Variants in PCGF6 observed in about 807,000 individuals in gnomAD.
PCGF6 encodes the protein polycomb group ring finger 6.
PCGF6 carries 24 observed loss-of-function variants against 45.5 expected under a neutral mutation model. That is an observed-to-expected ratio of 0.53 (90% CI 0.38 to 0.74). The LOEUF (loss-of-function observed/expected upper bound fraction) is 0.74, where lower values mean the gene tolerates loss of function less well. Ranked by LOEUF, PCGF6 falls within the 30% of genes least tolerant of loss-of-function variation. The probability of loss-of-function intolerance (pLI) is 0.00; values close to 1 mark genes in which losing one functional copy is unlikely to be tolerated. For synonymous variants in PCGF6, 152 were observed against 162.1 expected (o/e 0.94, Z 0.47); for missense variants, 356 against 443.2 (o/e 0.80, Z 1.77).
At chr10:103,308,858 G>C (rs1435455518) in intron 9 of PCGF6, among the ~76,000 whole-genome samples, 3 of 151,930 alleles carry the variant, frequency 2.0e-5, no homozygotes, top group Admixed American at 1.3e-4. Context: ...GTGACAGAGA[G>C]AGAGAGACTC....
rs974653399 is a variant in PCGF6 at position 103,335,084 on chromosome 10, G to T, written c.783-1132C>A. 3.3e-5 allele frequency among the ~76,000 whole-genome samples: 5 copies of T among 151,924 alleles called. No homozygotes were observed. In the Admixed American group the frequency reaches 3.3e-4, roughly 10 times the overall value. On this transcript the variant is annotated intron_variant, in intron 6 of 9. Transcript: ENST00000369847. The stretch of plus-strand genomic sequence containing the variant: ...TTCATTTTTTTCTTTAAGAGATAGG[G>T]TCTTGCTCTATCACCCAGGCAGGAG...
chr10:103,322,297 C>A (rs1449743977), intron 8 of PCGF6, among the ~76,000 whole-genome samples: 3 of 151,958 alleles, frequency 2.0e-5, no homozygotes, highest in Non-Finnish European at 4.4e-5. Flanking sequence ...ATCTCCCAGG[C>A]TCAACCCACC....
intron 8 of PCGF6, 94 bp downstream of exon 8, chr10:103,326,440 A>C: frequency 1.3e-6 from 1 of 773,818 alleles, no homozygotes. Flanking sequence ...AAAAATAACA[A>C]AAATAATTGC....
At chr10:103,321,539 T>G (rs777147422) in intron 8 of PCGF6, among the ~76,000 whole-genome samples, 19 of 152,002 alleles carry the variant, frequency 1.2e-4, no homozygotes, top group African/African-American at 4.1e-4. Flanking sequence ...GGTGAAACCC[T>G]GTCTCTACTA....
chr10:103,316,936 T>C (rs763173929), intron 8 of PCGF6, among the ~76,000 whole-genome samples: 3 of 152,224 alleles, frequency 2.0e-5, no homozygotes, highest in Non-Finnish European at 4.4e-5. Context: ...AAAGTAATGA[T>C]ATGAGATCTT....
At chr10:103,324,288 T>C (rs866797167) in intron 8 of PCGF6, among the ~76,000 whole-genome samples, 11 of 143,140 alleles carry the variant, frequency 7.7e-5, no homozygotes, top group African/African-American at 3.0e-4. Flanking sequence ...ACTTAACACA[T>C]GATGGAGAAT....
At chr10:103,322,905 A>AAAC (rs2093203060) in intron 8 of PCGF6, among the ~76,000 whole-genome samples, 1 of 150,058 alleles carries the variant, frequency 6.7e-6, no homozygotes, top group Non-Finnish European at 1.5e-5. Context: ...ACAAAAAACA[A>AAAC]AAAAAAAAAC....
At position 103,350,799 on chromosome 10, in the gene PCGF6, G is replaced by A; in HGVS notation, c.268C>T (p.Leu90=). 1 of 1,556,386 alleles carries A rather than the reference G, an allele frequency of 6.4e-7. No homozygotes were observed. Among genetic ancestry groups the A allele is most frequent in the African/African-American group, 1.4e-5 (1 of 72,894 alleles). The change falls in exon 1 of 10, where the codon CTG becomes TTG. Residue 90 remains leucine (L), a synonymous_variant. Transcript: ENST00000369847. ...EDEELEEEEE[L]EEEEEEEEED... ...TCCTCCTCCTCTTCTTCCTCCTCCAGCTCCTCTTCTTCTTCCAACTCCTCG... is the reference window on the plus strand; with the variant it reads ...TCCTCCTCCTCTTCTTCCTCCTCCAACTCCTCTTCTTCTTCCAACTCCTCG...
chr10:103,334,428 T>C (rs886437471), intron 6 of PCGF6, among the ~76,000 whole-genome samples: 3 of 152,180 alleles, frequency 2.0e-5, no homozygotes, highest in African/African-American at 7.2e-5. Flanking sequence ...TTATTAACTG[T>C]AGTCATCATG....
chr10:103,345,203 C>T (rs532688884), intron 5 of PCGF6, 71 bp from the exon 6 acceptor site: 2 of 1,051,984 alleles, frequency 1.9e-6, no homozygotes, highest in East Asian at 2.4e-5. Context: ...TGGAAAAATA[C>T]ACAAGTATTA....
intron 9 of PCGF6, among the ~76,000 whole-genome samples, chr10:103,308,874 C>G (rs1156280028): frequency 6.6e-6 from 1 of 151,646 alleles, no homozygotes; most frequent in Non-Finnish European, 1.5e-5. Context: ...GACTCCATCT[C>G]AAAAAATAAA....
Position 103,351,033 on chromosome 10 carries a change from C to T in PCGF6, c.34G>A (p.Val12Ile). 3 of 1,395,072 alleles carry T rather than the reference C, an allele frequency of 2.2e-6. No individual in the cohort carries two copies. Among genetic ancestry groups the T allele is most frequent in the Non-Finnish European group, 1.9e-6 (2 of 1,074,436 alleles). The allele number at this position is 1,395,072 out of a possible 1,614,324, so 86.4% of individuals were successfully genotyped here. ...EGVAVVTAGS[V>I]GAAKTEGAAA... ...GCTCCCTCGGTTTTGGCAGCGCCTA[C>T]GCTGCCCGCCGTCACCACCGCGACC... Residue 12 changes from valine to isoleucine, a missense_variant, in exon 1 of 10, where the codon GTA becomes ATA. Around this residue, in one of 2 missense-constraint regions of PCGF6, gnomAD observed 307 missense variants for 350.1 expected, o/e 0.88. Transcript: ENST00000369847.
chr10:103,323,258 T>C (rs1592062265), intron 8 of PCGF6, among the ~76,000 whole-genome samples: 1 of 152,182 alleles, frequency 6.6e-6, no homozygotes, highest in African/African-American at 2.4e-5. Context: ...ATATATTTAC[T>C]ACCAGTAAAT....
In PCGF6 at chr10:103,349,019, G is replaced by A. The variant is rs1592080393; in HGVS notation, c.361-20C>T. On this transcript the variant is annotated intron_variant, in intron 1 of 9. Coordinates refer to ENST00000369847, the MANE Select transcript of PCGF6 (RefSeq NM_001011663.2). ...CAGGCGCTGCAAATAAACGGAAACA[G>A]TTTTAAAATACAAGTCCTTGCCTTT... 1.3e-6 allele frequency: 2 copies of A among 1,566,230 alleles called. No individual in the cohort carries two copies. Among genetic ancestry groups the A allele is most frequent in the East Asian group, 4.5e-5 (2 of 44,628 alleles).
At chr10:103,326,806 A>G (rs1025636166) in intron 7 of PCGF6, among the ~76,000 whole-genome samples, 174 bp from the exon 8 acceptor site, 1 of 152,232 alleles carries the variant, frequency 6.6e-6, no homozygotes, top group African/African-American at 2.4e-5. Flanking sequence ...ATCAGAGAAG[A>G]AAAATGGAAA....
At chr10:103,349,250 G>T (rs944654356) in intron 1 of PCGF6, among the ~76,000 whole-genome samples, 2 of 151,204 alleles carry the variant, frequency 1.3e-5, no homozygotes, top group Middle Eastern at 3.5e-3. Flanking sequence ...GTTTCACCAT[G>T]TTGGCCAGGC....
rs983974100 is a variant in PCGF6 at position 103,318,908 on chromosome 10, G to T, written c.910-4636C>A. On this transcript the variant is annotated intron_variant, in intron 8 of 9. Transcript: ENST00000369847. ...AGCTTTGTAAGCAGGCCCTTCTAAC[G>T]ACAGCAGCCTCAAGGCTGATACGTT... Among the ~76,000 whole-genome samples, 4 of 152,114 alleles carry T rather than the reference G, an allele frequency of 2.6e-5. No homozygotes were observed. In the East Asian group the frequency reaches 5.8e-4, roughly 22 times the overall value.
intron 6 of PCGF6, among the ~76,000 whole-genome samples, chr10:103,334,371 G>A (rs943172346): frequency 2.6e-5 from 4 of 152,158 alleles, no homozygotes; most frequent in Admixed American, 2.0e-4. Flanking sequence ...TTACTGTAGT[G>A]AGAACATTTA....
chr10:103,316,950 C>T (rs766725590), intron 8 of PCGF6, among the ~76,000 whole-genome samples: 2 of 152,130 alleles, frequency 1.3e-5, no homozygotes, highest in Non-Finnish European at 2.9e-5. Flanking sequence ...AGATCTTGCA[C>T]AGAGAACTTA....
Sources: allele counts gnomAD v4.1 joint callset (sites outside exome capture counted in the v4.1 genomes callset), GRCh38; gene constraint gnomAD v4.1.1; regional missense constraint gnomAD v4.1.1; transcripts MANE v1.5; gene names NCBI Gene and HGNC (gene_info 2026-07-23, HGNC 2026-07-21).